Variants in SNX1 observed in about 807,000 individuals in gnomAD.
SNX1 encodes the protein sorting nexin-1.
SNX1 carries 36 observed loss-of-function variants against 71.8 expected under a neutral mutation model. The observed-to-expected ratio is 0.50, with a 90% CI of 0.38 to 0.66. SNX1 has a LOEUF of 0.66. Ranked by LOEUF, SNX1 falls within the 30% of genes least tolerant of loss-of-function variation. The pLI, the probability that SNX1 is intolerant of heterozygous loss-of-function variation, is 0.00. For missense variants in SNX1, 612 were observed against 646.7 expected, an observed-to-expected ratio of 0.95 and a Z score of 0.58; for synonymous variants, 254 against 240.7, an observed-to-expected ratio of 1.06 and a Z score of -0.51.
In SNX1 at chr15:64,129,455, C is replaced by T. The variant is rs2081285244; in HGVS notation, c.808-461C>T. 6.6e-6 allele frequency among the ~76,000 whole-genome samples: 1 copy of T among 152,216 alleles called. No homozygotes were observed. The highest frequency in any genetic ancestry group is 6.5e-5 in the Admixed American group (1 of 15,280). ...CCCTGAAAGTAGCCTTGATCTGAAT[C>T]AATAATTTTCTTGTCCTCGGATATT... On this transcript the variant is annotated intron_variant, in intron 8 of 14. Coordinates refer to ENST00000559844, the MANE Select transcript of SNX1 (RefSeq NM_003099.5). This position sits in a 1 kb window ranked among gnomAD's most constrained non-coding sequence, Gnocchi z 4.4.
intron 1 of SNX1, 124 bp from the exon 2 acceptor site, chr15:64,112,449 G>C: frequency 3.3e-6 from 2 of 600,798 alleles, no homozygotes; most frequent in Non-Finnish European, 5.9e-6. Flanking sequence ...TACTAATAAC[G>C]ATTTGCTGCT....
chr15:64,124,881 T>C (rs1449424741), intron 5 of SNX1, among the ~76,000 whole-genome samples: 2 of 152,210 alleles, frequency 1.3e-5, no homozygotes, highest in African/African-American at 4.8e-5. Context: ...TTGCCAGCAA[T>C]TGGTGAGGCC....
At chr15:64,104,904 G>T (rs2081003780) in intron 1 of SNX1, among the ~76,000 whole-genome samples, 2 of 124,344 alleles carry the variant, frequency 1.6e-5, no homozygotes, top group African/African-American at 3.0e-5. Flanking sequence ...AAAAAAAAAA[G>T]ATGGCTAATA....
chr15:64,142,835 A>C lies in SNX1; in HGVS notation c.*5217A>C. The stretch of plus-strand genomic sequence containing the variant: ...GAATAAGAATTGTCGCCTACACAAA[A>C]ATACCAGCAACTGTTAACTCTTCCC... On this transcript the variant is annotated 3_prime_UTR_variant, in exon 15 of 15. Transcript: ENST00000559844. 2.9e-6 allele frequency: 1 copy of C among 344,698 alleles called. No homozygotes were observed. The highest frequency in any genetic ancestry group is 8.6e-5 in the East Asian group (1 of 11,652). 21.4% of individuals were successfully genotyped at this position (344,698 alleles called of 1,614,324 possible). A position where few individuals can be genotyped will look rare whatever the true frequency, so the allele number is the denominator to read the frequency against.
chr15:64,132,077 AT>A (rs1276468346), intron 11 of SNX1, among the ~76,000 whole-genome samples, 185 bp downstream of exon 11: 3 of 152,190 alleles, frequency 2.0e-5, no homozygotes, highest in Non-Finnish European at 2.9e-5. Context: ...TTATCACTGA[AT>A]CATTTTGAGC....
intron 2 of SNX1, among the ~76,000 whole-genome samples, chr15:64,113,994 G>A (rs1041087620): frequency 6.6e-6 from 1 of 152,232 alleles, no homozygotes; most frequent in African/African-American, 2.4e-5. Context: ...CATTCTTGGA[G>A]AAGTCATGGA....
At chr15:64,097,826 C>T (rs2080919139) in intron 1 of SNX1, among the ~76,000 whole-genome samples, 1 of 152,184 alleles carries the variant, frequency 6.6e-6, no homozygotes, top group Non-Finnish European at 1.5e-5. Flanking sequence ...AATAAAACAG[C>T]TATAAATTCT....
At chr15:64,128,432 A>C (rs565381109) in intron 8 of SNX1, among the ~76,000 whole-genome samples, 1 of 152,388 alleles carries the variant, frequency 6.6e-6, no homozygotes, top group African/African-American at 2.4e-5. Context: ...GTAAGTCATT[A>C]AGGATCAAAA....
chr15:64,129,779 A>G lies in SNX1; in HGVS notation c.808-137A>G, dbSNP rs2081288212. On this transcript the variant is annotated intron_variant, in intron 8 of 14. Transcript: ENST00000559844. This position sits in a 1 kb window ranked among gnomAD's most constrained non-coding sequence, Gnocchi z 4.4. ...GACATGTTAGTTGTGGATTCCTCAG[A>G]CTGCCTTTGAAAACAATTTACAGTT... 3.1e-6 allele frequency: 2 copies of G among 644,872 alleles called. No individual in the cohort carries two copies. The highest frequency in any genetic ancestry group is 3.7e-5 in the South Asian group (2 of 54,640). The allele number at this position is 644,872 out of a possible 1,614,324, so 39.9% of individuals were successfully genotyped here.
At chr15:64,099,040 A>C (rs2080931507) in intron 1 of SNX1, among the ~76,000 whole-genome samples, 1 of 152,250 alleles carries the variant, frequency 6.6e-6, no homozygotes. Flanking sequence ...ACAGCCATAA[A>C]GAACAAATTA....
intron 1 of SNX1, among the ~76,000 whole-genome samples, chr15:64,098,182 T>C (rs1567313883): frequency 6.6e-6 from 1 of 152,232 alleles, no homozygotes. Context: ...GCTAATTTAG[T>C]CCTTCTGTAT....
chr15:64,131,480 G>T (rs924772736), intron 10 of SNX1: 2 of 565,470 alleles, frequency 3.5e-6, no homozygotes, highest in African/African-American at 3.7e-5. Context: ...GACAGCTGGT[G>T]CCTCTCCCTC....
chr15:64,123,604 G>A, intron 5 of SNX1, 58 bp downstream of exon 5: 1 of 1,350,050 alleles, frequency 7.4e-7, no homozygotes, highest in Non-Finnish European at 1.1e-6. Context: ...CTTATACCAA[G>A]GTCATCATTC....
Position 64,136,326 on chromosome 15 carries a change from C to T in SNX1, c.1366-4C>T. ...GTGATCCTTTCTTTCCTCTTTCTTC[C>T]CAGTGGGAGTCTCGGGTGACTCAAT... On this transcript the variant is annotated splice_polypyrimidine_tract_variant and splice_region_variant and intron_variant, in intron 12 of 14. Transcript: ENST00000559844. The T allele has an allele frequency of 3.1e-6, 5 of 1,611,566 alleles. No individual in the cohort carries two copies. The highest frequency in any genetic ancestry group is 4.2e-6 in the Non-Finnish European group (5 of 1,177,732).
chr15:64,141,006 T>TAGATAGAG lies in SNX1; in HGVS notation c.*3395_*3396insGAGATAGA, dbSNP rs2081408036. ...GATGATAGATAGATAGATAGATAGA[T>TAGATAGAG]AGATAGATAGATAGATAGATGATAG... is the stretch of plus-strand genomic sequence containing the variant. On this transcript the variant is annotated 3_prime_UTR_variant, in exon 15 of 15. Transcript: ENST00000559844. The surrounding 1 kb of genome is among the most constrained non-coding windows in gnomAD (Gnocchi z 5.1). The TAGATAGAG allele has an allele frequency of 6.7e-6, 1 of 150,328 alleles. No homozygotes were observed. 9.3% of individuals were successfully genotyped at this position (150,328 alleles called of 1,614,324 possible).
rs1313019567 is a variant in SNX1, at chr15:64,143,154, A to G, written c.*5536A>G. 6.0e-6 allele frequency: 1 copy of G among 167,258 alleles called. No homozygotes were observed. Among genetic ancestry groups the G allele is most frequent in the African/African-American group, 2.4e-5 (1 of 41,680 alleles). 10.4% of individuals were successfully genotyped at this position (167,258 alleles called of 1,614,324 possible). On this transcript the variant is annotated 3_prime_UTR_variant, in exon 15 of 15. Transcript: ENST00000559844. ...GAAGATAATGGGGATCCCTGGCTCCAAACATAGGAGGACACATCTGTGCTA... is the reference window on the plus strand; with the variant it reads ...GAAGATAATGGGGATCCCTGGCTCCGAACATAGGAGGACACATCTGTGCTA...
rs184870365 is a variant in SNX1 at position 64,126,497 on chromosome 15, A to G, written c.652+277A>G. Among the ~76,000 whole-genome samples the G allele has an allele frequency of 7.2e-5, 11 of 152,240 alleles. No homozygotes were observed. In the East Asian group the frequency reaches 1.5e-3, roughly 21 times the overall value. ...CTTACATGATTGCGGTTGCCTCCAG[A>G]TTGAAATAGACTACATTGGATTAGG... On this transcript the variant is annotated intron_variant, in intron 6 of 14. Transcript: ENST00000559844.
intron 10 of SNX1, among the ~76,000 whole-genome samples, chr15:64,130,613 A>G (rs1007949468): frequency 2.6e-5 from 4 of 152,198 alleles, no homozygotes; most frequent in Admixed American, 6.5e-5. Context: ...GATGGCTTAC[A>G]TCCAAAATGA....
chr15:64,120,686 A>T (rs1371943109), intron 4 of SNX1, among the ~76,000 whole-genome samples: 1 of 152,052 alleles, frequency 6.6e-6, no homozygotes, highest in African/African-American at 2.4e-5. Flanking sequence ...ACAAAAAAAT[A>T]AAAAATTACA....
Sources: gnomAD v4.1 joint callset for allele counts (sites outside exome capture counted in the v4.1 genomes callset) on GRCh38, gnomAD v4.1.1 for gene constraint, Gnocchi (gnomAD v3.1) non-coding constraint, MANE v1.5 for transcripts, NCBI Gene and HGNC (gene_info 2026-07-23, HGNC 2026-07-21) for gene names.